Variants in KIAA1217 observed in about 807,000 individuals in gnomAD.
The protein encoded by KIAA1217 is KIAA1217.
Under a neutral mutation model 163.9 loss-of-function variants are expected in KIAA1217, and 88 were observed. That is an observed-to-expected ratio of 0.54 (90% CI 0.45 to 0.64). KIAA1217 has a LOEUF of 0.64. Among genes scored for constraint, KIAA1217 ranks in the 30% least tolerant of loss-of-function variants. KIAA1217 has a pLI of 0.00. For synonymous variants in KIAA1217, 903 were observed against 923.1 expected, an observed-to-expected ratio of 0.98 and a Z score of 0.39; for missense variants, 2,372 against 2,475.0, an observed-to-expected ratio of 0.96 and a Z score of 0.88.
At chr10:24,430,253 C>T (rs945166896) in intron 3 of KIAA1217, among the ~76,000 whole-genome samples, 2 of 150,890 alleles carry the variant, frequency 1.3e-5, no homozygotes, top group Admixed American at 6.6e-5. Flanking sequence ...TGCCAGCATT[C>T]GGTCGAGGGC....
intron 1 of KIAA1217, among the ~76,000 whole-genome samples, chr10:23,724,409 T>A (rs1838026332): frequency 6.6e-6 from 1 of 152,258 alleles, no homozygotes; most frequent in African/African-American, 2.4e-5. Flanking sequence ...TTTTAATTTT[T>A]CCTTCTGTGA....
intron 2 of KIAA1217, among the ~76,000 whole-genome samples, chr10:24,099,940 C>A (rs1328918188): frequency 6.6e-6 from 1 of 152,042 alleles, no homozygotes; most frequent in African/African-American, 2.4e-5. Flanking sequence ...ATTTCACCTG[C>A]CTTGAAAGGA....
At chr10:24,156,029 AT>A (rs2131871816) in intron 2 of KIAA1217, among the ~76,000 whole-genome samples, 1 of 152,332 alleles carries the variant, frequency 6.6e-6, no homozygotes, top group South Asian at 2.1e-4. Context: ...AACTGCACAC[AT>A]TTAAATTTTC....
chr10:23,875,331 A>C (rs1474546419), intron 1 of KIAA1217, among the ~76,000 whole-genome samples: 2 of 152,078 alleles, frequency 1.3e-5, no homozygotes, highest in African/African-American at 2.4e-5. Flanking sequence ...AACTAATAAC[A>C]GAAAAGATAT....
At chr10:24,068,889 G>A (rs965927363) in intron 2 of KIAA1217, among the ~76,000 whole-genome samples, 7 of 152,210 alleles carry the variant, frequency 4.6e-5, no homozygotes, top group Non-Finnish European at 7.3e-5. Context: ...TGGGAAGTTT[G>A]TGCATACTAG....
chr10:24,382,524 C>A (rs556535414), intron 3 of KIAA1217, among the ~76,000 whole-genome samples: 1 of 151,846 alleles, frequency 6.6e-6, no homozygotes, highest in Admixed American at 6.5e-5. Flanking sequence ...AAATTAAGAT[C>A]AAATTAAAAT....
chr10:24,394,464 A>ATT (rs2055433867), intron 3 of KIAA1217, among the ~76,000 whole-genome samples: 5 of 151,422 alleles, frequency 3.3e-5, no homozygotes, highest in Admixed American at 3.3e-4. Flanking sequence ...GTTTTTTTTT[A>ATT]ATCTCCATTC....
At chr10:24,277,866 C>T (rs1458870688) in intron 2 of KIAA1217, among the ~76,000 whole-genome samples, 2 of 152,240 alleles carry the variant, frequency 1.3e-5, no homozygotes, top group African/African-American at 4.8e-5. Flanking sequence ...CTCTCTGACT[C>T]ACCCTCTGAC....
chr10:24,309,038 A>C (rs1365040681), intron 2 of KIAA1217, among the ~76,000 whole-genome samples: 1 of 150,480 alleles, frequency 6.6e-6, no homozygotes, highest in Non-Finnish European at 1.5e-5. Context: ...TCGGAGGATC[A>C]CTTGAACCCA....
intron 2 of KIAA1217, among the ~76,000 whole-genome samples, chr10:24,087,589 C>T (rs184560032): frequency 1.9e-3 from 294 of 152,202 alleles, no homozygotes; most frequent in Admixed American, 4.2e-3. Context: ...AATGAATTAG[C>T]GAAAGGCTGT....
intron 2 of KIAA1217, among the ~76,000 whole-genome samples, chr10:24,229,551 A>G (rs1194389736): frequency 1.3e-5 from 2 of 151,974 alleles, no homozygotes; most frequent in Non-Finnish European, 2.9e-5. Flanking sequence ...AGAGTCTTGC[A>G]CTGTTACCCA....
chr10:23,812,797 G>T (rs116359649), intron 1 of KIAA1217, among the ~76,000 whole-genome samples: 1,806 of 151,150 alleles, frequency 0.012, 30 homozygotes, highest in African/African-American at 0.042. Context: ...GCAGTATGTG[G>T]TTTTTTGTGT....
chr10:24,167,289 G>A (rs922456559), intron 2 of KIAA1217, among the ~76,000 whole-genome samples: 206 of 19,854 alleles, frequency 0.01, 1 homozygote, highest in African/African-American at 0.014. Flanking sequence ...ATGTGCGTGT[G>A]TGTGTGTGTG....
At chr10:24,368,217 C>T (rs953176881) in intron 2 of KIAA1217, among the ~76,000 whole-genome samples, 4 of 152,068 alleles carry the variant, frequency 2.6e-5, no homozygotes, top group African/African-American at 7.2e-5. Flanking sequence ...TTATTATTTC[C>T]GTGCGCATGT....
At chr10:23,884,754 G>T (rs1291598535) in intron 1 of KIAA1217, among the ~76,000 whole-genome samples, 2 of 151,934 alleles carry the variant, frequency 1.3e-5, no homozygotes, top group Non-Finnish European at 2.9e-5. Flanking sequence ...GGTAGAATTA[G>T]AGGAATTATT....
At chr10:24,214,580 A>T (rs2068575480) in intron 1 of KIAA1217, among the ~76,000 whole-genome samples, 1 of 152,188 alleles carries the variant, frequency 6.6e-6, no homozygotes, top group Non-Finnish European at 1.5e-5. Context: ...TGAGATGGAG[A>T]TGGCTGGAAA....
chr10:24,128,375 G>A (rs2063540337), intron 2 of KIAA1217, among the ~76,000 whole-genome samples: 1 of 152,092 alleles, frequency 6.6e-6, no homozygotes, highest in African/African-American at 2.4e-5. Flanking sequence ...TATGTAACTT[G>A]CTTTAAAAAT....
chr10:23,863,740 T>C (rs1192046877), intron 1 of KIAA1217, among the ~76,000 whole-genome samples: 1 of 152,216 alleles, frequency 6.6e-6, no homozygotes, highest in African/African-American at 2.4e-5. Context: ...CCCTTGATAT[T>C]GATGTAATCT....
chr10:24,311,796 G>A (rs1023755750), intron 2 of KIAA1217, among the ~76,000 whole-genome samples: 3 of 152,114 alleles, frequency 2.0e-5, no homozygotes, highest in African/African-American at 4.8e-5. Flanking sequence ...TATCCTCTGC[G>A]GGTGAAAAAG....
Sources: allele counts gnomAD v4.1 joint callset (sites outside exome capture counted in the v4.1 genomes callset), GRCh38; gene constraint gnomAD v4.1.1; transcripts MANE v1.5; gene names NCBI Gene and HGNC (gene_info 2026-07-23, HGNC 2026-07-21).